STAG1: variants seen among roughly 807,000 people sequenced by gnomAD.
STAG1 encodes cohesin subunit SA-1.
A neutral mutation model predicts 170.9 loss-of-function variants in STAG1; 26 were observed. The observed-to-expected ratio is 0.15, with a 90% CI of 0.11 to 0.21. STAG1 has a LOEUF of 0.21. Ranked by LOEUF, STAG1 falls within the 10% of genes least tolerant of loss-of-function variation. The probability of loss-of-function intolerance (pLI) is 1.00; values close to 1 mark genes in which losing one functional copy is unlikely to be tolerated. For synonymous variants in STAG1, 514 were observed against 497.7 expected, an observed-to-expected ratio of 1.03 and a Z score of -0.44; for missense variants, 964 against 1,509.5, an observed-to-expected ratio of 0.64 and a Z score of 5.99.
intron 1 of STAG1, among the ~76,000 whole-genome samples, chr3:136,695,786 C>G (rs1320521056): frequency 6.9e-6 from 1 of 145,680 alleles, no homozygotes; most frequent in Non-Finnish European, 1.5e-5. Flanking sequence ...AATGGGAGTT[C>G]AATCCGAAAG....
chr3:136,363,386 G>C lies in STAG1; in HGVS notation c.2767C>G (p.Leu923Val). 2.5e-6 allele frequency: 4 copies of C among 1,599,110 alleles called. No homozygotes were observed. Among genetic ancestry groups the C allele is most frequent in the Non-Finnish European group, 3.4e-6 (4 of 1,168,970 alleles). The change falls in exon 26 of 34, where the codon CTC becomes GTC. Residue 923 changes from leucine (L) to valine (V), a missense_variant. Transcript: ENST00000383202. ...CTTACCTGTTGCAAACTGAGAATGA[G>C]AGTCTTGGCACACTGAATTTTATCA... The part of the protein sequence containing the change: ...QIDKIQCAKT[L>V]ILSLQQLFNE...
intron 9 of STAG1, among the ~76,000 whole-genome samples, chr3:136,478,730 T>C (rs1394352475): frequency 6.6e-6 from 1 of 152,184 alleles, no homozygotes; most frequent in Non-Finnish European, 1.5e-5. Context: ...ACATTCTCTT[T>C]CCAAGCCATA....
At chr3:136,735,269 G>A (rs1012725021) in intron 1 of STAG1, among the ~76,000 whole-genome samples, 1 of 151,904 alleles carries the variant, frequency 6.6e-6, no homozygotes, top group Middle Eastern at 3.2e-3. Context: ...AGGACTACAG[G>A]TGGCCAACAT....
chr3:136,432,625 G>A (rs1252222503), intron 16 of STAG1, among the ~76,000 whole-genome samples: 1 of 151,662 alleles, frequency 6.6e-6, no homozygotes, highest in African/African-American at 2.4e-5. Flanking sequence ...TCCTGCTTCA[G>A]CCTCTCGAGT....
chr3:136,749,641 G>A (rs945928376), intron 1 of STAG1, among the ~76,000 whole-genome samples: 5 of 151,714 alleles, frequency 3.3e-5, no homozygotes, highest in African/African-American at 9.7e-5. Flanking sequence ...AGCTACTTGC[G>A]AGGCTGAGGC....
intron 4 of STAG1, among the ~76,000 whole-genome samples, chr3:136,588,794 C>T (rs977222901): frequency 1.3e-5 from 2 of 151,946 alleles, no homozygotes; most frequent in African/African-American, 4.8e-5. Flanking sequence ...ATGGGAGTCT[C>T]GCTCTGTCAC....
intron 5 of STAG1, among the ~76,000 whole-genome samples, chr3:136,550,453 G>A (rs1005984148): frequency 6.6e-5 from 10 of 151,826 alleles, no homozygotes; most frequent in South Asian, 4.2e-4. Context: ...GATTACAGGC[G>A]CCCACCACCA....
At chr3:136,403,224 T>TAAAAAAAAAAAAAAAAAGAAAAAAAAA (rs2087382614) in intron 21 of STAG1, among the ~76,000 whole-genome samples, 1 of 33,600 alleles carries the variant, frequency 3.0e-5, no homozygotes, top group Non-Finnish European at 4.7e-5. Context: ...GAGACTGTCT[T>TAAAAAAAAAAAAAAAAAGAAAAAAAAA]AAAAAAAAAA....
At chr3:136,607,617 G>T (rs1289937710) in intron 3 of STAG1, among the ~76,000 whole-genome samples, 1 of 152,116 alleles carries the variant, frequency 6.6e-6, no homozygotes, top group Non-Finnish European at 1.5e-5. Context: ...TGGCCAGGCT[G>T]GTCTTGAACT....
At chr3:136,680,768 T>C (rs1942305224) in intron 1 of STAG1, among the ~76,000 whole-genome samples, 1 of 151,186 alleles carries the variant, frequency 6.6e-6, no homozygotes, top group Admixed American at 6.6e-5. Context: ...TTATAACTAG[T>C]GGTAAATATA....
chr3:136,402,873 A>G (rs2087370159), intron 21 of STAG1, among the ~76,000 whole-genome samples: 1 of 152,078 alleles, frequency 6.6e-6, no homozygotes, highest in South Asian at 2.1e-4. Flanking sequence ...CACTCAAGCA[A>G]AAGATACTTC....
intron 29 of STAG1, among the ~76,000 whole-genome samples, chr3:136,346,173 C>A (rs1359720464): frequency 1.3e-5 from 2 of 152,130 alleles, no homozygotes; most frequent in African/African-American, 4.8e-5. Context: ...GAGCATTGAC[C>A]ATGGTGAAAT....
intron 1 of STAG1, among the ~76,000 whole-genome samples, chr3:136,725,585 A>G (rs1418991279): frequency 6.6e-6 from 1 of 152,220 alleles, no homozygotes; most frequent in Non-Finnish European, 1.5e-5. Context: ...GGATATGAGA[A>G]CAGCCACAAG....
At chr3:136,559,780 G>A (rs1215315383) in intron 5 of STAG1, among the ~76,000 whole-genome samples, 1 of 152,164 alleles carries the variant, frequency 6.6e-6, no homozygotes, top group Non-Finnish European at 1.5e-5. Context: ...TTGAGAGGCT[G>A]AGTTTCAACA....
At chr3:136,381,651 T>C (rs1937969984) in intron 22 of STAG1, among the ~76,000 whole-genome samples, 1 of 152,200 alleles carries the variant, frequency 6.6e-6, no homozygotes, top group African/African-American at 2.4e-5. Flanking sequence ...GATAGAAGTC[T>C]TTTAAGGTTG....
At chr3:136,520,673 C>T (rs918310329) in intron 7 of STAG1, among the ~76,000 whole-genome samples, 8 of 152,032 alleles carry the variant, frequency 5.3e-5, no homozygotes, top group African/African-American at 1.9e-4. Context: ...TCTGTTAGTT[C>T]TTCAAATTAT....
intron 13 of STAG1, among the ~76,000 whole-genome samples, chr3:136,454,688 T>G (rs533303827): frequency 6.6e-6 from 1 of 152,204 alleles, no homozygotes; most frequent in Non-Finnish European, 1.5e-5. Context: ...TTTGTGCCAA[T>G]TTAAATAATT....
chr3:136,751,524 G>A (rs1367416563), intron 1 of STAG1, among the ~76,000 whole-genome samples: 1 of 152,064 alleles, frequency 6.6e-6, no homozygotes, highest in East Asian at 1.9e-4. Flanking sequence ...CGTTTCACAA[G>A]GAGGCCCCCG....
intron 32 of STAG1, among the ~76,000 whole-genome samples, chr3:136,340,111 C>T (rs1381198411): frequency 6.6e-6 from 1 of 152,168 alleles, no homozygotes; most frequent in Non-Finnish European, 1.5e-5. Flanking sequence ...TCACCTCCTC[C>T]TCACCTCACC....
Sources: gnomAD v4.1 joint callset for allele counts (sites outside exome capture counted in the v4.1 genomes callset) on GRCh38, gnomAD v4.1.1 for gene constraint, MANE v1.5 for transcripts, NCBI Gene and HGNC (gene_info 2026-07-23, HGNC 2026-07-21) for gene names.